Variants in USH2A observed in about 807,000 individuals in gnomAD.
USH2A encodes the protein usherin.
USH2A carries 443 observed loss-of-function variants against 538.9 expected under a neutral mutation model. The ratio of observed to expected loss-of-function variants is 0.82; its 90% CI spans 0.76 to 0.89. USH2A has a LOEUF of 0.89. Ranked by LOEUF, USH2A falls within the 40% of genes least tolerant of loss-of-function variation. USH2A has a pLI of 0.00. For missense variants in USH2A, 6,633 were observed against 6,324.8 expected, an observed-to-expected ratio of 1.05 and a Z score of -1.65; for synonymous variants, 2,413 against 2,273.5, an observed-to-expected ratio of 1.06 and a Z score of -1.75.
intron 9 of USH2A, among the ~76,000 whole-genome samples, chr1:216,294,466 C>T (rs2037065792): frequency 6.6e-6 from 1 of 151,004 alleles, no homozygotes; most frequent in African/African-American, 2.4e-5. Flanking sequence ...TATTTTGCTG[C>T]ATTATTTCTT....
chr1:216,364,625 T>A (rs1465712286), intron 4 of USH2A, among the ~76,000 whole-genome samples: 2 of 152,100 alleles, frequency 1.3e-5, no homozygotes, highest in Non-Finnish European at 2.9e-5. Flanking sequence ...ACATGAAGAC[T>A]GAGGCAAGAT....
intron 70 of USH2A, among the ~76,000 whole-genome samples, chr1:215,631,165 A>G (rs536309549): frequency 6.6e-6 from 1 of 152,238 alleles, no homozygotes; most frequent in Admixed American, 6.5e-5. Flanking sequence ...TGTTCACAAG[A>G]CGGGTGCTTG....
chr1:215,801,123 G>C (rs2102780769), intron 49 of USH2A, among the ~76,000 whole-genome samples: 1 of 152,148 alleles, frequency 6.6e-6, no homozygotes, highest in Admixed American at 6.5e-5. Flanking sequence ...AATAGGAATA[G>C]ATGAAAACTA....
chr1:216,262,540 CAG>C (rs1416274736), intron 11 of USH2A, among the ~76,000 whole-genome samples: 1 of 151,762 alleles, frequency 6.6e-6, no homozygotes, highest in Non-Finnish European at 1.5e-5. Flanking sequence ...AAAAAGAAAA[CAG>C]AATAAGAAAG....
At chr1:215,837,870 A>G (rs1663574735) in intron 47 of USH2A, 121 bp downstream of exon 47, 1 of 822,466 alleles carries the variant, frequency 1.2e-6, no homozygotes, top group East Asian at 2.5e-5. Context: ...AATTTGATTT[A>G]CACACATACT....
chr1:215,710,584 C>T (rs547747264), intron 61 of USH2A, among the ~76,000 whole-genome samples: 3 of 152,072 alleles, frequency 2.0e-5, no homozygotes, highest in Non-Finnish European at 4.4e-5. Flanking sequence ...GGAAAGGGTC[C>T]TACGGCTCTA....
In USH2A at chr1:216,073,272, T is replaced by C. The variant is rs1192917184; in HGVS notation, c.5601A>G (p.Lys1867=). 18 of 1,613,664 alleles carry C rather than the reference T, an allele frequency of 1.1e-5. No homozygotes were observed. Among genetic ancestry groups the C allele is most frequent in the Non-Finnish European group, 1.4e-5 (17 of 1,179,924 alleles). The change falls in exon 28 of 72, where the codon AAA becomes AAG. Residue 1867 remains lysine, a synonymous_variant. Coordinates refer to ENST00000307340, the MANE Select transcript of USH2A (RefSeq NM_206933.4). ...AGTTAACGACAGCACCCCGTGTAAA[T>C]TTAACATCCTTCATGCAACCACCGA... The part of the protein sequence containing the change: ...QGFGGCMKDV[K]FTRGAVVNLA...
chr1:216,343,581 T>TA (rs1305245207), intron 4 of USH2A, among the ~76,000 whole-genome samples: 1 of 150,730 alleles, frequency 6.6e-6, no homozygotes, highest in Non-Finnish European at 1.5e-5. Context: ...TTTATATATG[T>TA]AAAAAAACAA....
chr1:215,992,719 C>T, intron 35 of USH2A, among the ~76,000 whole-genome samples: 1 of 152,138 alleles, frequency 6.6e-6, no homozygotes, highest in East Asian at 1.9e-4. Context: ...TACAATGTCA[C>T]TCTCACTACG....
chr1:216,389,706 C>T (rs895910172), intron 3 of USH2A, among the ~76,000 whole-genome samples: 2 of 152,034 alleles, frequency 1.3e-5, no homozygotes, highest in African/African-American at 2.4e-5. Flanking sequence ...AAATAATTAG[C>T]CCATTTTCTT....
chr1:215,751,663 C>T (rs1474084794), intron 58 of USH2A, among the ~76,000 whole-genome samples: 5 of 152,030 alleles, frequency 3.3e-5, no homozygotes, highest in African/African-American at 9.7e-5. Context: ...AACATATATC[C>T]TTTGCTCTCT....
intron 37 of USH2A, among the ~76,000 whole-genome samples, chr1:215,959,155 T>C (rs1037816892): frequency 7.1e-6 from 1 of 140,938 alleles, no homozygotes; most frequent in African/African-American, 2.5e-5. Context: ...GTATATATTA[T>C]AGAATTTTTT....
chr1:215,698,740 T>C (rs1269132865), intron 61 of USH2A, among the ~76,000 whole-genome samples: 3 of 152,318 alleles, frequency 2.0e-5, no homozygotes, highest in African/African-American at 4.8e-5. Context: ...GTCAGATGGA[T>C]AGGTTGCAAA....
At chr1:216,296,423 T>A (rs934986753) in intron 9 of USH2A, among the ~76,000 whole-genome samples, 11 of 152,100 alleles carry the variant, frequency 7.2e-5, no homozygotes, top group Non-Finnish European at 1.6e-4. Flanking sequence ...CCTGTCACTC[T>A]ACTGAAATGA....
At chr1:215,827,391 T>C (rs545002393) in intron 47 of USH2A, among the ~76,000 whole-genome samples, 1 of 152,164 alleles carries the variant, frequency 6.6e-6, no homozygotes, top group Admixed American at 6.5e-5. Context: ...CTATGGGAGC[T>C]ACAAGAGGTA....
At chr1:216,197,901 A>G (rs3767686) in intron 18 of USH2A, among the ~76,000 whole-genome samples, 96,956 of 151,888 alleles carry the variant, frequency 0.64, 31,153 homozygotes, top group East Asian at 0.76. Context: ...TTTTGGAAAG[A>G]TAAATAAAAA....
Position 215,625,732 on chromosome 1 carries a change from T to G in USH2A, c.*49A>C, listed in dbSNP as rs7531580. The G allele has an allele frequency of 0.015, 22,701 of 1,549,140 alleles. 706 individuals carry two copies. Among genetic ancestry groups the G allele is most frequent in the African/African-American group, 0.095 (6,972 of 73,708 alleles). On this transcript the variant is annotated 3_prime_UTR_variant, in exon 72 of 72. Coordinates refer to ENST00000307340, the MANE Select transcript of USH2A (RefSeq NM_206933.4). ...GTGTGAGTGATAACCCAGGAGGAAA[T>G]GGGTGCAGACCTTGCATTCCAGGGT... is the stretch of plus-strand genomic sequence containing the variant.
chr1:216,314,123 A>C (rs2037468036), intron 9 of USH2A, among the ~76,000 whole-genome samples: 1 of 152,034 alleles, frequency 6.6e-6, no homozygotes, highest in South Asian at 2.1e-4. Flanking sequence ...TATCCCTTCA[A>C]ATATTATCTT....
intron 61 of USH2A, 124 bp from the exon 62 acceptor site, chr1:215,680,500 C>G (rs1658192386): frequency 1.2e-6 from 1 of 861,162 alleles, no homozygotes; most frequent in Admixed American, 2.2e-5. Context: ...AACACTACAG[C>G]AGAGTTTTGA....
Sources: allele counts gnomAD v4.1 joint callset (sites outside exome capture counted in the v4.1 genomes callset), GRCh38; gene constraint gnomAD v4.1.1; transcripts MANE v1.5; gene names NCBI Gene and HGNC (gene_info 2026-07-23, HGNC 2026-07-21).